CUL4A: variants seen among roughly 807,000 people sequenced by gnomAD.
CUL4A encodes cullin-4A.
A neutral mutation model predicts 95.5 loss-of-function variants in CUL4A; 16 were observed. The observed-to-expected ratio is 0.17, with a 90% CI of 0.11 to 0.25. The LOEUF is 0.25. Ranked by LOEUF, CUL4A falls within the 10% of genes least tolerant of loss-of-function variation. CUL4A has a pLI of 1.00. For missense variants in CUL4A, 610 were observed against 937.0 expected (o/e 0.65, Z 4.56); for synonymous variants, 380 against 353.1 (o/e 1.08, Z -0.85).
chr13:113,228,802 A>G (rs2041202240), intron 4 of CUL4A, among the ~76,000 whole-genome samples: 2 of 152,086 alleles, frequency 1.3e-5, no homozygotes, highest in African/African-American at 4.8e-5. Context: ...TAATCTAGTA[A>G]GAAGTAGCAC....
At chr13:113,231,399 G>A (rs1487034814) in intron 5 of CUL4A, among the ~76,000 whole-genome samples, 1 of 152,192 alleles carries the variant, frequency 6.6e-6, no homozygotes, top group Non-Finnish European at 1.5e-5. Flanking sequence ...TCTCCTGCTA[G>A]TGATGGCTAG....
intron 5 of CUL4A, among the ~76,000 whole-genome samples, chr13:113,232,035 G>GCCACCACTACCCGCCCACCACCATTA (rs2041336388): frequency 1.4e-5 from 1 of 70,630 alleles, no homozygotes; most frequent in African/African-American, 5.7e-5. Context: ...CACCATTACT[G>GCCACCACTACCCGCCCACCACCATTA]CTGCCACCAC....
chr13:113,229,378 A>T, intron 4 of CUL4A, 68 bp from the exon 5 acceptor site: 1 of 1,344,952 alleles, frequency 7.4e-7, no homozygotes, highest in Non-Finnish European at 1.1e-6. Flanking sequence ...CATGGAGTTA[A>T]AAGGCCTGAT....
At position 113,226,675 on chromosome 13, in the gene CUL4A, A is replaced by G. The variant is rs578239826; in HGVS notation, c.369-1301A>G. 5.9e-5 allele frequency among the ~76,000 whole-genome samples: 9 copies of G among 152,260 alleles called. No homozygotes were observed. In the East Asian group the frequency reaches 1.7e-3, roughly 29 times the overall value. Reference sequence around the variant, plus strand: ...TAATTTGGTGCATGGATGAGAGTTCATGTTAGTTTTCATTGAGGCTGGAAG... The same window carrying G: ...TAATTTGGTGCATGGATGAGAGTTCGTGTTAGTTTTCATTGAGGCTGGAAG... On this transcript the variant is annotated intron_variant, in intron 3 of 19. Coordinates refer to ENST00000375440, the MANE Select transcript of CUL4A (RefSeq NM_001008895.4).
In CUL4A at chr13:113,228,088, C is replaced by T. The variant is rs940675670; in HGVS notation, c.438+43C>T. The T allele has an allele frequency of 1.1e-5, 15 of 1,387,662 alleles. No individual in the cohort carries two copies. In the African/African-American group the frequency reaches 1.8e-4, roughly 17 times the overall value. The allele number at this position is 1,387,662 out of a possible 1,614,324, so 86.0% of individuals were successfully genotyped here. On this transcript the variant is annotated intron_variant, in intron 4 of 19. Coordinates refer to ENST00000375440, the MANE Select transcript of CUL4A (RefSeq NM_001008895.4). Reference sequence around the variant, plus strand: ...TTCATCAAAACACGACCTCATCCATCTTCCCTCACCCACATGATTGAGAGC... The same window carrying T: ...TTCATCAAAACACGACCTCATCCATTTTCCCTCACCCACATGATTGAGAGC...
Position 113,253,211 on chromosome 13 carries a change from C to T in CUL4A, c.1752+16C>T. On this transcript the variant is annotated intron_variant, in intron 16 of 19. Transcript: ENST00000375440. ...GTTTAAAGAAGTAAGTTGTCTGTTT[C>T]ATTTATTTTTTATTATTTGTAAATA... 2 of 1,371,122 alleles carry T rather than the reference C, an allele frequency of 1.5e-6. No individual in the cohort carries two copies. Among genetic ancestry groups the T allele is most frequent in the African/African-American group, 1.5e-5 (1 of 68,314 alleles). The allele number at this position is 1,371,122 out of a possible 1,614,324, so 84.9% of individuals were successfully genotyped here.
At chr13:113,222,456 G>A (rs1262100153) in intron 3 of CUL4A, among the ~76,000 whole-genome samples, 1 of 152,150 alleles carries the variant, frequency 6.6e-6, no homozygotes, top group Non-Finnish European at 1.5e-5. Flanking sequence ...GGCGGGGAGG[G>A]TCTGTCGTGG....
intron 15 of CUL4A, among the ~76,000 whole-genome samples, chr13:113,248,237 G>A (rs991249422): frequency 2.6e-5 from 4 of 152,076 alleles, no homozygotes; most frequent in African/African-American, 9.7e-5. Context: ...TTTTTACCTG[G>A]TGAATGGGGA....
At chr13:113,222,295 T>G (rs1158602570) in intron 3 of CUL4A, among the ~76,000 whole-genome samples, 1 of 152,142 alleles carries the variant, frequency 6.6e-6, no homozygotes, top group Non-Finnish European at 1.5e-5. Context: ...TGTGCCTGTG[T>G]GTGTGCACTG....
chr13:113,249,556 T>A (rs748433846), intron 15 of CUL4A, among the ~76,000 whole-genome samples: 1 of 152,260 alleles, frequency 6.6e-6, no homozygotes, highest in Non-Finnish European at 1.5e-5. Flanking sequence ...ATAATGCTGC[T>A]ATGAACATGG....
At chr13:113,225,408 A>T (rs1313742050) in intron 3 of CUL4A, among the ~76,000 whole-genome samples, 1 of 152,224 alleles carries the variant, frequency 6.6e-6, no homozygotes, top group Non-Finnish European at 1.5e-5. Flanking sequence ...TTTCTGTGGG[A>T]AATAACAAAA....
chr13:113,208,897 G>C, upstream of CUL4A: 1 of 1,388,584 alleles, frequency 7.2e-7, no homozygotes. Flanking sequence ...GGGCTGAGGG[G>C]TTTGGGGTCC....
At chr13:113,250,918 G>A (rs1396535913) in intron 15 of CUL4A, among the ~76,000 whole-genome samples, 2 of 152,152 alleles carry the variant, frequency 1.3e-5, no homozygotes, top group Non-Finnish European at 2.9e-5. Flanking sequence ...TCATAGAAAG[G>A]TGACTCTTGG....
At chr13:113,208,927 C>T (rs2040191784), upstream of CUL4A, 8 of 1,342,176 alleles carry the variant, frequency 6.0e-6, no homozygotes, top group East Asian at 1.9e-4. Context: ...GACAGCCCCA[C>T]GGCTAAACTG....
chr13:113,215,350 CTG>C (rs1367253370), intron 2 of CUL4A, among the ~76,000 whole-genome samples: 1 of 141,150 alleles, frequency 7.1e-6, no homozygotes, highest in African/African-American at 2.7e-5. Flanking sequence ...GTGGAGGTCT[CTG>C]TGACCATGGA....
At chr13:113,248,837 C>T (rs1566364154) in intron 15 of CUL4A, among the ~76,000 whole-genome samples, 1 of 152,170 alleles carries the variant, frequency 6.6e-6, no homozygotes, top group Non-Finnish European at 1.5e-5. Context: ...TCAGATTCTT[C>T]CTGGCCTTTT....
At chr13:113,219,079 T>C (rs2040803021) in intron 3 of CUL4A, 31 bp downstream of exon 3, 1 of 1,390,606 alleles carries the variant, frequency 7.2e-7, no homozygotes, top group Non-Finnish European at 1.0e-6. Flanking sequence ...AAAGTTTCTA[T>C]TCATTATCTA....
chr13:113,224,008 C>G (rs977386443), intron 3 of CUL4A, among the ~76,000 whole-genome samples: 1 of 152,190 alleles, frequency 6.6e-6, no homozygotes, highest in Non-Finnish European at 1.5e-5. Flanking sequence ...CCACATGCTG[C>G]AGGACCACGT....
At position 113,227,481 on chromosome 13, in the gene CUL4A, C is replaced by T. The variant is rs575037713; in HGVS notation, c.369-495C>T. On this transcript the variant is annotated intron_variant, in intron 3 of 19. Transcript: ENST00000375440. ...AGGCCCTGCCTCCTAACACCATTAC[C>T]GTAGAGTGAGAGCTTCAGCCTATGA... Among the ~76,000 whole-genome samples, 27 of 152,298 alleles carry T rather than the reference C, an allele frequency of 1.8e-4. No individual in the cohort carries two copies. The South Asian group carries it at 4.1e-3, about 23-fold the overall frequency.
Sources: gnomAD v4.1 joint callset for allele counts (sites outside exome capture counted in the v4.1 genomes callset) on GRCh38, gnomAD v4.1.1 for gene constraint, MANE v1.5 for transcripts, NCBI Gene and HGNC (gene_info 2026-07-23, HGNC 2026-07-21) for gene names.